The following KNG1 variants were observed in gnomAD, a reference collection of about 807,000 sequenced individuals.
KNG1 encodes kininogen-1.
Under a neutral mutation model 47.8 loss-of-function variants are expected in KNG1, and 23 were observed. The observed-to-expected ratio is 0.48, with a 90% CI of 0.35 to 0.68. The LOEUF (loss-of-function observed/expected upper bound fraction) is 0.68, where lower values mean the gene tolerates loss of function less well. KNG1 is among the 30% of genes least tolerant of loss of function. The probability of loss-of-function intolerance (pLI) is 0.01; values close to 1 mark genes in which losing one functional copy is unlikely to be tolerated. For synonymous variants in KNG1, 277 were observed against 277.0 expected (o/e 1.00, Z 0.00); for missense variants, 762 against 790.2 (o/e 0.96, Z 0.43).
At position 186,742,749 on chromosome 3, in the gene KNG1, G is replaced by T. The variant is rs1720848619; in HGVS notation, c.*418G>T. 1.9e-6 allele frequency: 2 copies of T among 1,026,074 alleles called. No individual in the cohort carries two copies. The highest frequency in any genetic ancestry group is 7.7e-5 in the South Asian group (2 of 25,910). The allele number at this position is 1,026,074 out of a possible 1,614,324, so 63.6% of individuals were successfully genotyped here. On this transcript the variant is annotated 3_prime_UTR_variant, in exon 10 of 10. Coordinates refer to ENST00000644859, the MANE Select transcript of KNG1 (RefSeq NM_001102416.3). Reference sequence around the variant, plus strand: ...AATAAGGGAAGTCAAGAGATTAAATGCTGAACTTATTAATGGAATAGAAAT... The same window carrying T: ...AATAAGGGAAGTCAAGAGATTAAATTCTGAACTTATTAATGGAATAGAAAT...
rs373838314 is a variant in KNG1, at chr3:186,732,627, G to C, written c.883G>C (p.Ala295Pro). The change falls in exon 7 of 10, where the codon GCA becomes CCA. Residue 295 changes from alanine to proline, a missense_variant. By Grantham distance (27) the Ala-to-Pro change is conservative. Coordinates refer to ENST00000644859, the MANE Select transcript of KNG1 (RefSeq NM_001102416.3). The part of the protein sequence containing the change: ...TITKLNAENN[A>P]TFYFKIDNVK... The stretch of plus-strand genomic sequence containing the variant: ...CACAAAGCTTAATGCAGAGAATAAC[G>C]CAACTTTCTATTTCAAGATTGACAA... 1 of 1,613,978 alleles carries C rather than the reference G, an allele frequency of 6.2e-7. No individual in the cohort carries two copies. Among genetic ancestry groups the C allele is most frequent in the Non-Finnish European group, 8.5e-7 (1 of 1,179,888 alleles).
At chr3:186,728,180 C>T (rs941610783) in intron 5 of KNG1, among the ~76,000 whole-genome samples, 1 of 152,114 alleles carries the variant, frequency 6.6e-6, no homozygotes, top group Non-Finnish European at 1.5e-5. Flanking sequence ...AATGGTATAT[C>T]TCAAGGTAGT....
At chr3:186,719,204 T>C (rs1720112817) in intron 1 of KNG1, among the ~76,000 whole-genome samples, 1 of 152,136 alleles carries the variant, frequency 6.6e-6, no homozygotes, top group Non-Finnish European at 1.5e-5. Context: ...GTAAATATAC[T>C]AAAAAACATT....
intron 7 of KNG1, among the ~76,000 whole-genome samples, chr3:186,737,639 C>G (rs1419870782): frequency 6.6e-6 from 1 of 151,966 alleles, no homozygotes; most frequent in Non-Finnish European, 1.5e-5. Context: ...TCACTGTAAC[C>G]TCTGCCACCC....
intron 1 of KNG1, 70 bp from the exon 2 acceptor site, chr3:186,720,035 C>A (rs540123493): frequency 1.1e-6 from 1 of 929,152 alleles, no homozygotes; most frequent in African/African-American, 1.6e-5. Context: ...CTAACTTTAC[C>A]GGAACCCACT....
chr3:186,719,664 G>A lies in KNG1; in HGVS notation c.196-441G>A, dbSNP rs1326618559. Among the ~76,000 whole-genome samples the A allele has an allele frequency of 5.3e-5, 8 of 151,488 alleles. No homozygotes were observed. In the South Asian group the frequency reaches 1.7e-3, roughly 32 times the overall value. On this transcript the variant is annotated intron_variant, in intron 1 of 9. Coordinates refer to ENST00000644859, the MANE Select transcript of KNG1 (RefSeq NM_001102416.3). ...GAATGGCGTGAACCCGGGAGGCAGA[G>A]CTTGCAGTGAGCCGAGATCACGCCA... is the stretch of plus-strand genomic sequence containing the variant.
intron 5 of KNG1, chr3:186,728,677 G>T (rs1432741712): frequency 6.6e-6 from 1 of 152,174 alleles, no homozygotes; most frequent in Non-Finnish European, 1.5e-5. Context: ...TTGAGAAGAG[G>T]TCTTGCTCTG....
chr3:186,740,244 C>T, intron 9 of KNG1, among the ~76,000 whole-genome samples: 1 of 152,090 alleles, frequency 6.6e-6, no homozygotes, highest in East Asian at 1.9e-4. Flanking sequence ...GGATGAGACA[C>T]TAAAAATTAG....
At chr3:186,728,561 T>G (rs571876000) in intron 5 of KNG1, 1 of 152,348 alleles carries the variant, frequency 6.6e-6, no homozygotes, top group East Asian at 1.9e-4. Context: ...CGGATTTATT[T>G]AAATATGTAA....
In KNG1 at chr3:186,725,192, T is replaced by G. The variant is rs1002013624; in HGVS notation, c.496T>G (p.Tyr166Asp). 4 of 1,614,046 alleles carry G rather than the reference T, an allele frequency of 2.5e-6. No individual in the cohort carries two copies. In the African/African-American group the frequency reaches 5.3e-5, roughly 22 times the overall value. Residue 166 changes from tyrosine (Y) to aspartate (D), a missense_variant, in exon 4 of 10, where the codon TAC becomes GAC. Transcript: ENST00000644859. ...LEPILRHGIQYFNNNTQHSSL... is the reference protein window; with the variant it reads ...LEPILRHGIQDFNNNTQHSSL... Reference sequence around the variant, plus strand: ...GCCCATTCTGAGACACGGCATTCAGTACTTTAACAACAACACTCAACATTC... The same window carrying G: ...GCCCATTCTGAGACACGGCATTCAGGACTTTAACAACAACACTCAACATTC...
intron 5 of KNG1, among the ~76,000 whole-genome samples, chr3:186,728,042 A>C (rs1720420069): frequency 6.6e-6 from 1 of 152,028 alleles, no homozygotes; most frequent in South Asian, 2.1e-4. Context: ...TTCATGTCAA[A>C]CTTTTCTCTG....
chr3:186,729,667 T>A (rs1371868309), intron 5 of KNG1, among the ~76,000 whole-genome samples: 1 of 131,020 alleles, frequency 7.6e-6, no homozygotes, highest in Admixed American at 8.7e-5. Flanking sequence ...AGAAATGTAA[T>A]GTAGGCTTTT....
At chr3:186,720,063 G>A (rs1720141730) in intron 1 of KNG1, 42 bp from the exon 2 acceptor site, 1 of 1,273,470 alleles carries the variant, frequency 7.9e-7, no homozygotes, top group Non-Finnish European at 1.2e-6. Context: ...TTTGCTGTTG[G>A]GTCAGTTGGA....
intron 3 of KNG1, among the ~76,000 whole-genome samples, chr3:186,724,152 T>A (rs1720283670): frequency 6.6e-6 from 1 of 152,218 alleles, no homozygotes; most frequent in African/African-American, 2.4e-5. Context: ...TTGAGGAATC[T>A]CCGCACTATT....
At chr3:186,737,446 C>T (rs1720697692) in intron 7 of KNG1, among the ~76,000 whole-genome samples, 1 of 151,912 alleles carries the variant, frequency 6.6e-6, no homozygotes, top group Non-Finnish European at 1.5e-5. Flanking sequence ...TAGTATTTTC[C>T]CCTTCCTTCA....
At chr3:186,740,000 A>T (rs1305521461) in intron 9 of KNG1, among the ~76,000 whole-genome samples, 3 of 151,870 alleles carry the variant, frequency 2.0e-5, no homozygotes, top group Non-Finnish European at 4.4e-5. Flanking sequence ...GTGAGCCGAG[A>T]TCCTGCCACT....
In KNG1 at chr3:186,731,580, TA is replaced by T. The variant is rs1401348354; in HGVS notation, c.709del (p.Ile237PhefsTer46). 1.2e-6 allele frequency: 2 copies of T among 1,612,376 alleles called. No individual in the cohort carries two copies. The highest frequency in any genetic ancestry group is 1.7e-6 in the Non-Finnish European group (2 of 1,178,372). ...AATGTACAGATAATGCATACATCGA[TA>T]TTCAGCTACGAATTGCTTCCTTCTC... ...GECTDNAYIDIQLRIASFSQN... is the reference protein window; with the variant it reads ...GECTDNAYIDXQLRIASFSQN... On this transcript the variant is annotated frameshift_variant, in exon 6 of 10. Transcript: ENST00000644859. LOFTEE classifies it high-confidence loss of function.
At chr3:186,733,441 T>C (rs1720592361) in intron 7 of KNG1, among the ~76,000 whole-genome samples, 1 of 152,122 alleles carries the variant, frequency 6.6e-6, no homozygotes, top group African/African-American at 2.4e-5. Context: ...CTCCATGTCT[T>C]TCACCTACTG....
intron 6 of KNG1, 50 bp from the exon 7 acceptor site, chr3:186,732,452 C>A (rs372630196): frequency 6.4e-7 from 1 of 1,569,436 alleles, no homozygotes; most frequent in Non-Finnish European, 8.8e-7. Context: ...GGATGCTAGG[C>A]CAGGCTGCTA....
Sources: allele counts gnomAD v4.1 joint callset (sites outside exome capture counted in the v4.1 genomes callset), GRCh38; gene constraint gnomAD v4.1.1; transcripts MANE v1.5; gene names NCBI Gene and HGNC (gene_info 2026-07-23, HGNC 2026-07-21).